DLG2: variants seen among roughly 807,000 people sequenced by gnomAD.
The protein encoded by DLG2 is disks large homolog 2.
Under a neutral mutation model 132.5 loss-of-function variants are expected in DLG2, and 45 were observed. The ratio of observed to expected loss-of-function variants is 0.34; its 90% CI spans 0.27 to 0.44. DLG2 has a LOEUF of 0.44. DLG2 is among the 20% of genes least tolerant of loss of function. The pLI is 1.00. For synonymous variants in DLG2, 424 were observed against 419.6 expected, an observed-to-expected ratio of 1.01 and a Z score of -0.13; for missense variants, 1,045 against 1,196.9, an observed-to-expected ratio of 0.87 and a Z score of 1.87.
intron 3 of DLG2, among the ~76,000 whole-genome samples, chr11:85,402,342 A>G (rs1259805115): frequency 1.3e-5 from 2 of 152,228 alleles, no homozygotes; most frequent in Admixed American, 1.3e-4. Flanking sequence ...AGATTAACTC[A>G]AGATGGTTTA....
At chr11:85,309,137 C>T (rs1228659007) in intron 3 of DLG2, among the ~76,000 whole-genome samples, 1 of 152,106 alleles carries the variant, frequency 6.6e-6, no homozygotes, top group Non-Finnish European at 1.5e-5. Flanking sequence ...ATTAGCTTCT[C>T]AGTCCCAGGA....
chr11:85,082,563 C>A (rs901948691), intron 6 of DLG2, among the ~76,000 whole-genome samples: 1 of 151,930 alleles, frequency 6.6e-6, no homozygotes, highest in Admixed American at 6.6e-5. Flanking sequence ...TATATGAGTT[C>A]TTTAAGGGGT....
chr11:84,038,419 A>G (rs2095937384), intron 11 of DLG2, among the ~76,000 whole-genome samples: 1 of 152,150 alleles, frequency 6.6e-6, no homozygotes, highest in Non-Finnish European at 1.5e-5. Flanking sequence ...TGATCATTAG[A>G]GAAATGTAAA....
intron 6 of DLG2, among the ~76,000 whole-genome samples, chr11:84,582,564 T>A (rs1257240952): frequency 6.7e-6 from 1 of 150,350 alleles, no homozygotes; most frequent in Non-Finnish European, 1.5e-5. Context: ...AAAATAATAA[T>A]AATAATACTA....
chr11:83,768,893 C>A (rs1261283793), intron 18 of DLG2, among the ~76,000 whole-genome samples: 3 of 152,186 alleles, frequency 2.0e-5, no homozygotes, highest in African/African-American at 7.2e-5. Flanking sequence ...CAAATGGACA[C>A]CAGAGTCAGG....
chr11:85,274,013 C>T (rs976371180), intron 4 of DLG2, among the ~76,000 whole-genome samples: 3 of 152,112 alleles, frequency 2.0e-5, no homozygotes, highest in Non-Finnish European at 4.4e-5. Flanking sequence ...GAACAGAAAA[C>T]CAAACACCAC....
At chr11:84,637,085 G>T (rs1221593139) in intron 6 of DLG2, among the ~76,000 whole-genome samples, 1 of 152,100 alleles carries the variant, frequency 6.6e-6, no homozygotes, top group Non-Finnish European at 1.5e-5. Flanking sequence ...ACTGTGCCCG[G>T]CTGGGATGTC....
At chr11:84,829,104 T>A (rs2078698889) in intron 6 of DLG2, among the ~76,000 whole-genome samples, 1 of 151,640 alleles carries the variant, frequency 6.6e-6, no homozygotes, top group African/African-American at 2.4e-5. Context: ...TAAAACATAA[T>A]TAGACAAGAA....
At chr11:84,432,493 T>G (rs765318014) in intron 7 of DLG2, among the ~76,000 whole-genome samples, 6 of 152,114 alleles carry the variant, frequency 3.9e-5, no homozygotes, top group Non-Finnish European at 8.8e-5. Flanking sequence ...AGAAACCAAG[T>G]GACTGACTTC....
At chr11:85,428,060 T>G (rs886687730) in intron 3 of DLG2, among the ~76,000 whole-genome samples, 3 of 152,244 alleles carry the variant, frequency 2.0e-5, no homozygotes, top group East Asian at 1.9e-4. Flanking sequence ...AGGGATCAAT[T>G]CAACAAGAAG....
At chr11:83,979,820 G>T (rs1185744968) in intron 12 of DLG2, among the ~76,000 whole-genome samples, 1 of 152,058 alleles carries the variant, frequency 6.6e-6, no homozygotes, top group Non-Finnish European at 1.5e-5. Flanking sequence ...TGTTTCTATT[G>T]TTATGCAAAC....
At chr11:84,064,148 CATTGAAGTAAG>C (rs1334088445) in intron 10 of DLG2, among the ~76,000 whole-genome samples, 2 of 151,874 alleles carry the variant, frequency 1.3e-5, no homozygotes, top group Non-Finnish European at 2.9e-5. Context: ...ATTTTTCCGC[CATTGAAGTAAG>C]ATTTGTGATT....
chr11:84,880,912 T>C (rs1209826979), intron 6 of DLG2, among the ~76,000 whole-genome samples: 2 of 152,252 alleles, frequency 1.3e-5, no homozygotes, highest in East Asian at 1.9e-4. Context: ...CAAGAATTTG[T>C]TGAGCACCTA....
intron 6 of DLG2, among the ~76,000 whole-genome samples, chr11:85,105,212 C>G (rs1383410691): frequency 6.6e-6 from 1 of 151,862 alleles, no homozygotes; most frequent in Non-Finnish European, 1.5e-5. Context: ...TGGGAATGCC[C>G]TTTCATCTTT....
rs897723062 is a variant in DLG2 at position 84,771,975 on chromosome 11, A to G, written c.358-237244T>C. Among the ~76,000 whole-genome samples the G allele has an allele frequency of 1.4e-4, 22 of 152,184 alleles. 1 individual carries two copies. The highest frequency in any genetic ancestry group is 1.2e-3 in the Admixed American group (19 of 15,280). ...AAACACAATCCCATTGACAATAGCT[A>G]CACCCAAAAATAATATACCATCTGC... On this transcript the variant is annotated intron_variant, in intron 6 of 27. Transcript: ENST00000376104.
chr11:84,419,664 C>G (rs531417634), intron 7 of DLG2, among the ~76,000 whole-genome samples: 1 of 152,296 alleles, frequency 6.6e-6, no homozygotes, highest in African/African-American at 2.4e-5. Context: ...ATCCCCACCC[C>G]CAGACCAGTG....
chr11:85,236,535 T>C (rs1191789675), intron 4 of DLG2, among the ~76,000 whole-genome samples: 1 of 152,078 alleles, frequency 6.6e-6, no homozygotes, highest in African/African-American at 2.4e-5. Flanking sequence ...TCATTTTAAC[T>C]AAATAACTTC....
At chr11:83,666,587 C>T (rs2075625638) in intron 18 of DLG2, among the ~76,000 whole-genome samples, 1 of 152,210 alleles carries the variant, frequency 6.6e-6, no homozygotes, top group Non-Finnish European at 1.5e-5. Context: ...TTCCACAAAA[C>T]CAGTTCCTGG....
rs189618836 is a variant in DLG2, at chr11:84,660,692, G to A, written c.358-125961C>T. On this transcript the variant is annotated intron_variant, in intron 6 of 27. Transcript: ENST00000376104. Reference sequence around the variant, plus strand: ...CATCCCACACCAGCCTTTGATTTACGCATTTTCATATGAAAGCCATTTCAT... The same window carrying A: ...CATCCCACACCAGCCTTTGATTTACACATTTTCATATGAAAGCCATTTCAT... Among the ~76,000 whole-genome samples, 11 of 152,170 alleles carry A rather than the reference G, an allele frequency of 7.2e-5. No homozygotes were observed. In the South Asian group the frequency reaches 1.2e-3, roughly 17 times the overall value.
Sources: allele counts gnomAD v4.1 joint callset (sites outside exome capture counted in the v4.1 genomes callset), GRCh38; gene constraint gnomAD v4.1.1; transcripts MANE v1.5; gene names NCBI Gene and HGNC (gene_info 2026-07-23, HGNC 2026-07-21).